Variants in ATP6V1H observed in about 807,000 individuals in gnomAD.
ATP6V1H encodes the protein ATPase H+ transporting V1 subunit H.
In ATP6V1H, 39 loss-of-function variants were observed where a neutral mutation model predicts 71.7. The observed-to-expected ratio is 0.54, with a 90% CI of 0.42 to 0.71. The LOEUF is 0.71. Ranked by LOEUF, ATP6V1H falls within the 30% of genes least tolerant of loss-of-function variation. The pLI is 0.00. For synonymous variants in ATP6V1H, 192 were observed against 199.3 expected (o/e 0.96, Z 0.31); for missense variants, 509 against 594.9 (o/e 0.86, Z 1.50).
At chr8:53,803,426 G>T in intron 7 of ATP6V1H, among the ~76,000 whole-genome samples, 1 of 152,004 alleles carries the variant, frequency 6.6e-6, no homozygotes, top group Non-Finnish European at 1.5e-5. Context: ...ATTTCAAAAA[G>T]AATTTCTTAA....
chr8:53,818,063 T>A (rs977298465), intron 4 of ATP6V1H, among the ~76,000 whole-genome samples: 1 of 152,210 alleles, frequency 6.6e-6, no homozygotes, highest in African/African-American at 2.4e-5. Flanking sequence ...CCAGTGGACA[T>A]AGGATCTGAG....
Position 53,715,975 on chromosome 8 carries a change from C to A in ATP6V1H, c.1441G>T (p.Ala481Ser), listed in dbSNP as rs767222811. ...GGCCAGAGGCAGGCTTAGCTTCGGG[C>A]GGCAGCGGTCTGGGGCTGCTCGGAC... ...LQSEQPQTAA[A>S]RS The change falls in exon 14 of 14, where the codon GCC becomes TCC. Residue 481 changes from alanine (A) to serine (S), a missense_variant. Around this residue, in one of 2 missense-constraint regions of ATP6V1H, gnomAD observed 212 missense variants for 291.6 expected, o/e 0.73. Transcript: ENST00000359530. 2.5e-6 allele frequency: 4 copies of A among 1,607,358 alleles called. No homozygotes were observed.
chr8:53,830,042 G>T (rs1050016926), intron 3 of ATP6V1H, among the ~76,000 whole-genome samples: 2 of 152,152 alleles, frequency 1.3e-5, no homozygotes, highest in Admixed American at 6.6e-5. Context: ...CATGACTGTT[G>T]TAAGAATCAG....
chr8:53,747,565 A>G, intron 12 of ATP6V1H, among the ~76,000 whole-genome samples: 1 of 144,700 alleles, frequency 6.9e-6, no homozygotes, highest in Non-Finnish European at 1.5e-5. Flanking sequence ...TTTGAGATGG[A>G]GACTCGCTCC....
At chr8:53,726,083 A>G (rs953475935) in intron 13 of ATP6V1H, among the ~76,000 whole-genome samples, 2 of 152,236 alleles carry the variant, frequency 1.3e-5, no homozygotes, top group African/African-American at 4.8e-5. Context: ...TACAAGCCAC[A>G]TAATACAAGT....
chr8:53,728,868 T>C (rs559772841), intron 13 of ATP6V1H, among the ~76,000 whole-genome samples: 2 of 152,330 alleles, frequency 1.3e-5, no homozygotes, highest in East Asian at 3.9e-4. Flanking sequence ...TATCTAAGCA[T>C]GCAACACACT....
intron 11 of ATP6V1H, among the ~76,000 whole-genome samples, chr8:53,759,475 C>T (rs910601350): frequency 6.6e-6 from 1 of 152,200 alleles, no homozygotes. Context: ...TCTATTGCCA[C>T]GTTAACCACA....
chr8:53,828,430 T>C (rs1810891340), intron 4 of ATP6V1H, among the ~76,000 whole-genome samples: 1 of 152,190 alleles, frequency 6.6e-6, no homozygotes, highest in South Asian at 2.1e-4. Context: ...GGACAGTAAT[T>C]AAGGATATGA....
rs145343303 is a variant in ATP6V1H at position 53,757,942 on chromosome 8, T to C, written c.1176-1286A>G. On this transcript the variant is annotated intron_variant, in intron 11 of 13. Transcript: ENST00000359530. The stretch of plus-strand genomic sequence containing the variant: ...GATAACATGTATAAGTAAAGGTATA[T>C]AAAGATGTAGGTAAGGTATGCCTAG... Among the ~76,000 whole-genome samples the C allele has an allele frequency of 4.0e-3, 615 of 152,332 alleles. 2 individuals are homozygous for C. The highest frequency in any genetic ancestry group is 6.7e-3 in the Non-Finnish European group (457 of 68,032).
chr8:53,717,401 C>CGGT lies in ATP6V1H; in HGVS notation c.1392-1378_1392-1377insACC, dbSNP rs540452521. 1.3e-3 allele frequency among the ~76,000 whole-genome samples: 200 copies of CGGT among 152,286 alleles called. 1 individual carries two copies. Among genetic ancestry groups the CGGT allele is most frequent in the African/African-American group, 4.4e-3 (184 of 41,550 alleles). On this transcript the variant is annotated intron_variant, in intron 13 of 13. Coordinates refer to ENST00000359530, the MANE Select transcript of ATP6V1H (RefSeq NM_015941.4). Reference sequence around the variant, plus strand: ...TCCAAAGGCTGTTCATTTTTTAATACCATGAGACTGAATGAAGCATCCCAG... The same window carrying CGGT: ...TCCAAAGGCTGTTCATTTTTTAATACGGTCATGAGACTGAATGAAGCATCCCAG...
intron 1 of ATP6V1H, among the ~76,000 whole-genome samples, chr8:53,842,302 G>A (rs1811365739): frequency 6.6e-6 from 1 of 152,166 alleles, no homozygotes; most frequent in Non-Finnish European, 1.5e-5. Context: ...GAAAGTTTTA[G>A]AACAAATACA....
intron 7 of ATP6V1H, chr8:53,806,892 C>T (rs1330697921): frequency 6.6e-6 from 3 of 451,908 alleles, no homozygotes; most frequent in Non-Finnish European, 8.9e-6. Context: ...CATATGGATA[C>T]TTCATGTACT....
chr8:53,819,590 TAC>T (rs576704619), intron 4 of ATP6V1H, among the ~76,000 whole-genome samples: 7 of 73,824 alleles, frequency 9.5e-5, no homozygotes, highest in African/African-American at 3.0e-4. Context: ...ATATATAAAA[TAC>T]ACACACATAC....
chr8:53,784,899 A>C (rs1021808228), intron 9 of ATP6V1H, among the ~76,000 whole-genome samples: 7 of 152,208 alleles, frequency 4.6e-5, no homozygotes, highest in African/African-American at 1.7e-4. Context: ...GTTTCTGCCG[A>C]GAGATCCACT....
intron 5 of ATP6V1H, 36 bp downstream of exon 5, chr8:53,817,381 A>C (rs922975431): frequency 2.4e-5 from 35 of 1,467,854 alleles, no homozygotes; most frequent in Non-Finnish European, 3.0e-5. Context: ...CTTTAAAAAA[A>C]TTTTAAAAAA....
intron 11 of ATP6V1H, among the ~76,000 whole-genome samples, chr8:53,766,485 G>A (rs1279322528): frequency 6.6e-6 from 1 of 152,172 alleles, no homozygotes; most frequent in African/African-American, 2.4e-5. Context: ...AAAAGAACAG[G>A]ATAATAGCAA....
At chr8:53,733,710 A>G (rs1391065877) in intron 13 of ATP6V1H, among the ~76,000 whole-genome samples, 1 of 152,154 alleles carries the variant, frequency 6.6e-6, no homozygotes, top group Non-Finnish European at 1.5e-5. Context: ...CAGGTTATGG[A>G]TCCCAAACTT....
At chr8:53,739,660 A>G (rs1260633385) in intron 13 of ATP6V1H, 1 of 152,272 alleles carries the variant, frequency 6.6e-6, no homozygotes, top group Non-Finnish European at 1.5e-5. Context: ...GAGAAAAACG[A>G]TGACATCTTA....
intron 11 of ATP6V1H, among the ~76,000 whole-genome samples, chr8:53,758,544 G>T (rs758991715): frequency 2.6e-5 from 4 of 152,158 alleles, no homozygotes; most frequent in African/African-American, 9.7e-5. Context: ...CTTGGCAAAC[G>T]ACTTAGGAAG....
Sources: allele counts gnomAD v4.1 joint callset (sites outside exome capture counted in the v4.1 genomes callset), GRCh38; gene constraint gnomAD v4.1.1; regional missense constraint gnomAD v4.1.1; transcripts MANE v1.5; gene names NCBI Gene and HGNC (gene_info 2026-07-23, HGNC 2026-07-21).